The following AEBP2 variants were observed in gnomAD, a reference collection of about 807,000 sequenced individuals.
The protein encoded by AEBP2 is zinc finger protein AEBP2.
In AEBP2, 10 loss-of-function variants were observed where a neutral mutation model predicts 50.8. The observed-to-expected ratio is 0.20, with a 90% confidence interval of 0.12 to 0.33. The LOEUF (loss-of-function observed/expected upper bound fraction) is 0.33, where lower values mean the gene tolerates loss of function less well. Among genes scored for constraint, AEBP2 ranks in the 10% least tolerant of loss-of-function variants. The probability of loss-of-function intolerance (pLI) is 1.00; values close to 1 mark genes in which losing one functional copy is unlikely to be tolerated. For missense variants in AEBP2, 570 were observed against 688.0 expected, an observed-to-expected ratio of 0.83 and a Z score of 1.92; for synonymous variants, 296 against 261.3, an observed-to-expected ratio of 1.13 and a Z score of -1.28.
rs991313438 is a variant in AEBP2 at position 19,519,282 on chromosome 12, A to G, written c.*1165A>G. On this transcript the variant is annotated 3_prime_UTR_variant, in exon 8 of 8. Transcript: ENST00000266508. ...ATGTTTTCTAGAGGCATGAAAGTTA[A>G]ATGTATATATTATGGTAGAAATAAT... 5.9e-5 allele frequency: 9 copies of G among 152,542 alleles called. No homozygotes were observed. Among genetic ancestry groups the G allele is most frequent in the African/African-American group, 2.2e-4 (9 of 41,442 alleles). The allele number at this position is 152,542 out of a possible 1,614,324, so 9.4% of individuals were successfully genotyped here. A position where few individuals can be genotyped will look rare whatever the true frequency, so the allele number is the denominator to read the frequency against.
At chr12:19,440,418 C>T (rs1460236003) in intron 1 of AEBP2, 48 bp downstream of exon 1, 3 of 1,453,304 alleles carry the variant, frequency 2.1e-6, no homozygotes, top group East Asian at 2.4e-5. Context: ...CTTGAACTCC[C>T]GGGCCCCTCA....
chr12:19,509,816 C>CTTTTTTT (rs1565737482), intron 5 of AEBP2, among the ~76,000 whole-genome samples: 10 of 121,050 alleles, frequency 8.3e-5, no homozygotes, highest in African/African-American at 2.0e-4. Flanking sequence ...AACATGGCTA[C>CTTTTTTT]TTTCTTTTTT....
chr12:19,420,877 C>T (rs1391488294), intron 1 of AEBP2, among the ~76,000 whole-genome samples: 1 of 152,112 alleles, frequency 6.6e-6, no homozygotes, highest in Non-Finnish European at 1.5e-5. Flanking sequence ...AAGCAGCCTC[C>T]CATGTCAAGG....
chr12:19,424,930 AC>A (rs2095747770), intron 1 of AEBP2, among the ~76,000 whole-genome samples: 2 of 151,960 alleles, frequency 1.3e-5, no homozygotes, highest in Non-Finnish European at 2.9e-5. Flanking sequence ...AATCACTTGA[AC>A]CCAGGAGGTG....
intron 1 of AEBP2, among the ~76,000 whole-genome samples, chr12:19,449,326 A>G (rs910883370): frequency 2.0e-5 from 3 of 152,214 alleles, no homozygotes; most frequent in African/African-American, 7.2e-5. Flanking sequence ...GTGAAAAGGT[A>G]AAGATAACTT....
intron 1 of AEBP2, among the ~76,000 whole-genome samples, chr12:19,416,713 TC>T (rs2095742781): frequency 6.6e-6 from 1 of 151,202 alleles, no homozygotes; most frequent in Admixed American, 6.6e-5. Flanking sequence ...AGCCTCCGCT[TC>T]CTGGGTTCAA....
chr12:19,414,152 A>C (rs2095740964), intron 1 of AEBP2, among the ~76,000 whole-genome samples: 1 of 151,970 alleles, frequency 6.6e-6, no homozygotes, highest in African/African-American at 2.4e-5. Context: ...TCAGCCTCCC[A>C]AAGTGCTGGG....
intron 1 of AEBP2, among the ~76,000 whole-genome samples, chr12:19,443,617 G>A (rs1021437899): frequency 2.6e-5 from 4 of 152,086 alleles, no homozygotes; most frequent in Non-Finnish European, 5.9e-5. Context: ...CAGCTACTCA[G>A]GAGGCTGGGG....
intron 1 of AEBP2, chr12:19,456,413 G>T: frequency 2.9e-6 from 4 of 1,388,682 alleles, no homozygotes; most frequent in Non-Finnish European, 4.0e-6. Flanking sequence ...ACACGGGCTT[G>T]CCAGGAACCA....
chr12:19,470,974 GTT>G (rs545234862), intron 2 of AEBP2, among the ~76,000 whole-genome samples: 2 of 150,550 alleles, frequency 1.3e-5, no homozygotes, highest in African/African-American at 4.9e-5. Flanking sequence ...AAGTAATTGC[GTT>G]TTTTTTCAAT....
intron 4 of AEBP2, among the ~76,000 whole-genome samples, chr12:19,496,772 C>T (rs1171593565): frequency 6.6e-6 from 1 of 151,324 alleles, no homozygotes; most frequent in Non-Finnish European, 1.5e-5. Context: ...GGTGATTCTC[C>T]CACCTCAGCC....
At chr12:19,491,963 A>T (rs569333154) in intron 3 of AEBP2, among the ~76,000 whole-genome samples, 1 of 152,118 alleles carries the variant, frequency 6.6e-6, no homozygotes, top group African/African-American at 2.4e-5. Context: ...GATTTTTACA[A>T]ATAAAGGGCT....
intron 7 of AEBP2, among the ~76,000 whole-genome samples, chr12:19,516,114 T>A (rs753364739): frequency 5.3e-5 from 8 of 152,124 alleles, no homozygotes; most frequent in Non-Finnish European, 1.0e-4. Flanking sequence ...CAAACATCTT[T>A]TGGTGAAAGT....
chr12:19,500,947 T>G (rs998755014), intron 5 of AEBP2, among the ~76,000 whole-genome samples: 1 of 152,194 alleles, frequency 6.6e-6, no homozygotes, highest in Non-Finnish European at 1.5e-5. Context: ...TAAATTGGTG[T>G]AGTTTGGTGT....
chr12:19,500,220 C>T lies in AEBP2; in HGVS notation c.1298C>T (p.Thr433Ile), dbSNP rs1592772733. ...GKGHSVVFHS[T>I]VIAKRKEDSG... The stretch of plus-strand genomic sequence containing the variant: ...GGACACAGTGTTGTTTTTCATAGTA[C>T]TGTAAGTATTCTTTTATTTTTTCAA... Residue 433 changes from threonine to isoleucine, a missense_variant and splice_region_variant, in exon 5 of 8, where the codon ACT (threonine) becomes ATT (isoleucine). Thr to Ile is a moderately conservative substitution (Grantham distance 89). This residue lies in a region of AEBP2 where 184 missense variants were observed against 351.2 expected (regional missense o/e 0.52). Coordinates refer to ENST00000266508, the MANE Select transcript of AEBP2 (RefSeq NM_153207.5). The T allele has an allele frequency of 1.3e-6, 2 of 1,483,178 alleles. No individual in the cohort carries two copies. The highest frequency in any genetic ancestry group is 1.8e-6 in the Non-Finnish European group (2 of 1,114,282). The allele number at this position is 1,483,178 out of a possible 1,614,324, so 91.9% of individuals were successfully genotyped here.
intron 1 of AEBP2, chr12:19,457,060 G>A (rs1279364553): frequency 3.5e-5 from 56 of 1,607,498 alleles, no homozygotes; most frequent in Non-Finnish European, 4.5e-5. Context: ...ACCAGAAATT[G>A]GCACAAATGC....
chr12:19,495,591 G>T (rs895690533), intron 4 of AEBP2, among the ~76,000 whole-genome samples: 1 of 149,258 alleles, frequency 6.7e-6, no homozygotes, highest in Non-Finnish European at 1.5e-5. Context: ...GCCCAGGCTG[G>T]AGTGCAGTAG....
chr12:19,497,452 AC>A (rs1949003751), intron 4 of AEBP2, among the ~76,000 whole-genome samples: 1 of 144,018 alleles, frequency 6.9e-6, no homozygotes, highest in South Asian at 2.2e-4. Flanking sequence ...TGATCTTTCA[AC>A]CTTTTTGCTT....
intron 2 of AEBP2, among the ~76,000 whole-genome samples, chr12:19,466,450 C>G (rs1418530226): frequency 1.3e-5 from 2 of 151,704 alleles, no homozygotes; most frequent in African/African-American, 2.4e-5. Flanking sequence ...GATCCTGTCT[C>G]AAAAAAAAGA....
Sources: gnomAD v4.1 joint callset for allele counts (sites outside exome capture counted in the v4.1 genomes callset) on GRCh38, gnomAD v4.1.1 for gene constraint, gnomAD v4.1.1 regional missense constraint, MANE v1.5 for transcripts, NCBI Gene and HGNC (gene_info 2026-07-23, HGNC 2026-07-21) for gene names.